Variants in CNTNAP2 observed in about 807,000 individuals in gnomAD.
CNTNAP2 encodes the protein contactin associated protein 2.
Under a neutral mutation model 155.2 loss-of-function variants are expected in CNTNAP2, and 98 were observed. The observed-to-expected ratio is 0.63, with a 90% CI of 0.54 to 0.75. The LOEUF (loss-of-function observed/expected upper bound fraction) is 0.75. Among genes scored for constraint, CNTNAP2 ranks in the 30% least tolerant of loss-of-function variants. The probability of loss-of-function intolerance (pLI) is 0.00; values close to 1 mark genes in which losing one functional copy is unlikely to be tolerated. For missense variants in CNTNAP2, 1,727 were observed against 1,688.1 expected, an observed-to-expected ratio of 1.02 and a Z score of -0.40; for synonymous variants, 651 against 631.2, an observed-to-expected ratio of 1.03 and a Z score of -0.47.
chr7:146,599,444 T>C (rs1348245706), intron 1 of CNTNAP2, among the ~76,000 whole-genome samples: 1 of 152,018 alleles, frequency 6.6e-6, no homozygotes, highest in Non-Finnish European at 1.5e-5. Flanking sequence ...TGTGTTCTAC[T>C]CTTCTTCTTG....
chr7:147,762,244 A>C (rs1563079949), intron 13 of CNTNAP2, among the ~76,000 whole-genome samples: 1 of 152,204 alleles, frequency 6.6e-6, no homozygotes, highest in Middle Eastern at 3.4e-3. Flanking sequence ...AAATTAAGTG[A>C]CATCAATGGA....
chr7:146,343,117 C>A (rs1794760536), intron 1 of CNTNAP2, among the ~76,000 whole-genome samples: 2 of 151,666 alleles, frequency 1.3e-5, no homozygotes, highest in Non-Finnish European at 2.9e-5. Context: ...CTGCTCTGGG[C>A]TATATATCTT....
intron 8 of CNTNAP2, among the ~76,000 whole-genome samples, chr7:147,176,781 AAT>A: frequency 8.0e-6 from 1 of 124,950 alleles, no homozygotes; most frequent in Admixed American, 9.5e-5. Context: ...AATTATATAT[AAT>A]TATAATTATA....
At chr7:147,636,213 G>A (rs1795178405) in intron 12 of CNTNAP2, among the ~76,000 whole-genome samples, 1 of 152,128 alleles carries the variant, frequency 6.6e-6, no homozygotes, top group African/African-American at 2.4e-5. Context: ...GGGGGACACT[G>A]TAACTGAACT....
intron 1 of CNTNAP2, among the ~76,000 whole-genome samples, chr7:146,322,634 C>CTCTTTTTTTTTTTT (rs748751758): frequency 3.1e-5 from 2 of 64,964 alleles, no homozygotes; most frequent in Non-Finnish European, 5.5e-5. Context: ...TGTTCATTCT[C>CTCTTTTTTTTTTTT]TTTTTTTTTT....
At chr7:148,387,939 A>G (rs1005800270) in intron 22 of CNTNAP2, among the ~76,000 whole-genome samples, 1 of 152,160 alleles carries the variant, frequency 6.6e-6, no homozygotes, top group Non-Finnish European at 1.5e-5. Context: ...ACTTCTGGTC[A>G]TCCTCACTGC....
chr7:147,511,545 A>C (rs1562973372), intron 11 of CNTNAP2, among the ~76,000 whole-genome samples: 1 of 151,392 alleles, frequency 6.6e-6, no homozygotes, highest in African/African-American at 2.4e-5. Context: ...TCCCAGATCT[A>C]GTATCGTGGG....
At position 146,638,701 on chromosome 7, in the gene CNTNAP2, G is replaced by A. The variant is rs982015244; in HGVS notation, c.98-135570G>A. 2.6e-5 allele frequency among the ~76,000 whole-genome samples: 4 copies of A among 151,698 alleles called. No homozygotes were observed. The East Asian group carries it at 7.8e-4, about 30-fold the overall frequency. Reference sequence around the variant, plus strand: ...GGGGTTTCACCGTGTTAGCCAGGATGGTCTTGATCTCCTGACCTCGTGATC... The same window carrying A: ...GGGGTTTCACCGTGTTAGCCAGGATAGTCTTGATCTCCTGACCTCGTGATC... On this transcript the variant is annotated intron_variant, in intron 1 of 23. Coordinates refer to ENST00000361727, the MANE Select transcript of CNTNAP2 (RefSeq NM_014141.6).
chr7:146,586,959 A>AAT (rs1798701328), intron 1 of CNTNAP2, among the ~76,000 whole-genome samples: 1 of 152,182 alleles, frequency 6.6e-6, no homozygotes, highest in Non-Finnish European at 1.5e-5. Flanking sequence ...TTAAAGCAAC[A>AAT]ATAAGAATGA....
At chr7:147,623,160 G>A (rs10274432) in intron 12 of CNTNAP2, among the ~76,000 whole-genome samples, 13,693 of 151,954 alleles carry the variant, frequency 0.09, 1,710 homozygotes, top group African/African-American at 0.26. Context: ...AACTGAAGGC[G>A]GAAATCTGAA....
intron 13 of CNTNAP2, among the ~76,000 whole-genome samples, chr7:147,776,688 C>A (rs1158966580): frequency 6.6e-6 from 1 of 151,960 alleles, no homozygotes; most frequent in African/African-American, 2.4e-5. Context: ...TAATAAGATA[C>A]TAAAAGCTTG....
At chr7:148,088,376 T>C (rs780321997) in intron 15 of CNTNAP2, among the ~76,000 whole-genome samples, 17 of 150,776 alleles carry the variant, frequency 1.1e-4, no homozygotes, top group Non-Finnish European at 2.1e-4. Flanking sequence ...TCAACAAAAC[T>C]ACAAGTTGGT....
intron 20 of CNTNAP2, among the ~76,000 whole-genome samples, chr7:148,245,886 T>C (rs1381936570): frequency 1.3e-5 from 2 of 152,166 alleles, no homozygotes; most frequent in Non-Finnish European, 2.9e-5. Context: ...CCCCTGGTCT[T>C]TTCTAGTCTC....
chr7:146,415,336 C>A (rs6978796), intron 1 of CNTNAP2, among the ~76,000 whole-genome samples: 59,099 of 151,990 alleles, frequency 0.39, 13,073 homozygotes, highest in African/African-American at 0.6. Flanking sequence ...TTATTGCCAA[C>A]TTTAAAATGT....
At chr7:147,199,955 G>C (rs755770812) in intron 8 of CNTNAP2, among the ~76,000 whole-genome samples, 5 of 151,936 alleles carry the variant, frequency 3.3e-5, no homozygotes, top group Non-Finnish European at 7.4e-5. Context: ...ATGCTAATAG[G>C]GCTGCTTTAT....
intron 1 of CNTNAP2, among the ~76,000 whole-genome samples, chr7:146,388,178 C>A (rs1795487969): frequency 6.6e-6 from 1 of 151,194 alleles, no homozygotes; most frequent in Non-Finnish European, 1.5e-5. Context: ...CGTTGGTAAT[C>A]CTCGCACTTT....
rs144006993 is a variant in CNTNAP2 at position 146,725,547 on chromosome 7, G to A, written c.98-48724G>A. 1.5e-4 allele frequency among the ~76,000 whole-genome samples: 23 copies of A among 152,168 alleles called. No homozygotes were observed. In the East Asian group the frequency reaches 3.3e-3, roughly 22 times the overall value. Reference sequence around the variant, plus strand: ...ATGAGAGGAACTTAAATTCTGCTACGGTGTAGACATAAAGGATTACCCACC... The same window carrying A: ...ATGAGAGGAACTTAAATTCTGCTACAGTGTAGACATAAAGGATTACCCACC... On this transcript the variant is annotated intron_variant, in intron 1 of 23. Transcript: ENST00000361727.
intron 13 of CNTNAP2, among the ~76,000 whole-genome samples, chr7:147,684,703 G>C (rs1031410726): frequency 2.9e-4 from 44 of 152,002 alleles, no homozygotes; most frequent in African/African-American, 8.7e-4. Context: ...TAAGCTTCAA[G>C]AAATTGGTAA....
At chr7:146,806,953 G>T (rs749233338) in intron 2 of CNTNAP2, among the ~76,000 whole-genome samples, 165 of 152,184 alleles carry the variant, frequency 1.1e-3, no homozygotes, top group Non-Finnish European at 2.0e-3. Context: ...GATTAATTTG[G>T]ATAATATTTT....
Sources: allele counts gnomAD v4.1 joint callset (sites outside exome capture counted in the v4.1 genomes callset), GRCh38; gene constraint gnomAD v4.1.1; transcripts MANE v1.5; gene names NCBI Gene and HGNC (gene_info 2026-07-23, HGNC 2026-07-21).